The following LRP4 variants were observed in gnomAD, a reference collection of about 807,000 sequenced individuals.
The protein encoded by LRP4 is low-density lipoprotein receptor-related protein 4.
LRP4 carries 95 observed loss-of-function variants against 220.3 expected under a neutral mutation model. The observed-to-expected ratio is 0.43, with a 90% CI of 0.37 to 0.51. The LOEUF (loss-of-function observed/expected upper bound fraction) is 0.51, where lower values mean the gene tolerates loss of function less well. Ranked by LOEUF, LRP4 falls within the 20% of genes least tolerant of loss-of-function variation. The pLI, the probability that LRP4 is intolerant of heterozygous loss-of-function variation, is 0.00. For synonymous variants in LRP4, 903 were observed against 954.6 expected, an observed-to-expected ratio of 0.95 and a Z score of 1.00; for missense variants, 1,925 against 2,567.0, an observed-to-expected ratio of 0.75 and a Z score of 5.40.
At chr11:46,910,627 AT>A (rs1165819552) in intron 1 of LRP4, among the ~76,000 whole-genome samples, 1 of 145,992 alleles carries the variant, frequency 6.8e-6, no homozygotes, top group Non-Finnish European at 1.5e-5. Flanking sequence ...GTCTTGCTTT[AT>A]TGCCTTTCTC....
chr11:46,899,522 A>G lies in LRP4; in HGVS notation c.431-19T>C. ...CGCATGTCTGGGGGGATGCGATGGG[A>G]CAGCAGTTCTGAGGGGGCCCCACAG... On this transcript the variant is annotated intron_variant, in intron 4 of 37. Coordinates refer to ENST00000378623, the MANE Select transcript of LRP4 (RefSeq NM_002334.4). This position sits in a 1 kb window ranked among gnomAD's most constrained non-coding sequence, Gnocchi z 5.9. The G allele has an allele frequency of 6.4e-7, 1 of 1,572,944 alleles. No individual in the cohort carries two copies. Among genetic ancestry groups the G allele is most frequent in the Non-Finnish European group, 8.7e-7 (1 of 1,144,746 alleles).
At position 46,896,192 on chromosome 11, in the gene LRP4, C is replaced by T. The variant is rs1396649770; in HGVS notation, c.1048+18G>A. 6.2e-7 allele frequency: 1 copy of T among 1,613,436 alleles called. No homozygotes were observed. The highest frequency in any genetic ancestry group is 8.5e-7 in the Non-Finnish European group (1 of 1,179,940). On this transcript the variant is annotated intron_variant, in intron 9 of 37. Coordinates refer to ENST00000378623, the MANE Select transcript of LRP4 (RefSeq NM_002334.4). ...GGCCACAAACCATGGGCCAGGTCCG[C>T]CCACTGGGGACACTCACGGCAATTC...
chr11:46,879,974 G>A (rs1266806793), intron 20 of LRP4, among the ~76,000 whole-genome samples: 5 of 152,130 alleles, frequency 3.3e-5, no homozygotes, highest in African/African-American at 1.2e-4. Context: ...GCGTGGTAGC[G>A]GGTGCCTATA....
At chr11:46,888,728 T>G (rs1406599855) in intron 16 of LRP4, among the ~76,000 whole-genome samples, 1 of 152,084 alleles carries the variant, frequency 6.6e-6, no homozygotes, top group Non-Finnish European at 1.5e-5. Flanking sequence ...GTCAGTGGGG[T>G]ACACAGCAGT....
chr11:46,898,895 A>G lies in LRP4; in HGVS notation c.676+9T>C. The G allele has an allele frequency of 6.2e-7, 1 of 1,613,782 alleles. No individual in the cohort carries two copies. The highest frequency in any genetic ancestry group is 8.5e-7 in the Non-Finnish European group (1 of 1,180,020). On this transcript the variant is annotated intron_variant, in intron 6 of 37. Coordinates refer to ENST00000378623, the MANE Select transcript of LRP4 (RefSeq NM_002334.4). ...GCCTCCCCACCTCCCAGCTGGCCAGAGTACTCACAGCAGTCAGACTCGTCT... is the reference window on the plus strand; with the variant it reads ...GCCTCCCCACCTCCCAGCTGGCCAGGGTACTCACAGCAGTCAGACTCGTCT...
chr11:46,897,744 A>T (rs1445229883), intron 7 of LRP4, among the ~76,000 whole-genome samples: 2 of 152,228 alleles, frequency 1.3e-5, no homozygotes, highest in African/African-American at 4.8e-5. Flanking sequence ...TTAGTACAGA[A>T]CAAAATGAAA....
chr11:46,889,896 A>G (rs1344570745), intron 15 of LRP4, 48 bp downstream of exon 15: 2 of 1,606,440 alleles, frequency 1.2e-6, no homozygotes, highest in Non-Finnish European at 1.7e-6. Flanking sequence ...ACCAGAGGCC[A>G]CCTCAACCAT....
intron 37 of LRP4, among the ~76,000 whole-genome samples, chr11:46,861,794 C>T (rs1213843730): frequency 4.6e-5 from 7 of 151,988 alleles, no homozygotes; most frequent in African/African-American, 7.3e-5. Flanking sequence ...GCAGGCTGGG[C>T]GCAGTGGCTC....
At chr11:46,892,697 G>A (rs1941447455) in intron 13 of LRP4, among the ~76,000 whole-genome samples, 4 of 150,958 alleles carry the variant, frequency 2.6e-5, no homozygotes, top group Non-Finnish European at 4.4e-5. Flanking sequence ...TCAACCTCCC[G>A]AGTAGCTGGG....
Position 46,868,937 on chromosome 11 carries a change from C to T in LRP4, c.4837+51G>A, listed in dbSNP as rs369690210. 55 of 1,612,816 alleles carry T rather than the reference C, an allele frequency of 3.4e-5. No homozygotes were observed. In the Middle Eastern group the frequency reaches 5.0e-4, roughly 15 times the overall value. On this transcript the variant is annotated intron_variant, in intron 32 of 37. Coordinates refer to ENST00000378623, the MANE Select transcript of LRP4 (RefSeq NM_002334.4). ...GGTCCCTAACAGTCCTTGGGTTGACCGACCAATCCCACAGATGTTAAGGAA... is the reference window on the plus strand; with the variant it reads ...GGTCCCTAACAGTCCTTGGGTTGACTGACCAATCCCACAGATGTTAAGGAA...
At chr11:46,896,396 G>A (rs1011731605) in intron 8 of LRP4, 61 bp from the exon 9 acceptor site, 82 of 1,597,356 alleles carry the variant, frequency 5.1e-5, no homozygotes, top group Non-Finnish European at 6.4e-5. Flanking sequence ...AGAGATGGGA[G>A]CCTGTCATTT....
rs750903825 is a variant in LRP4 at position 46,890,902 on chromosome 11, C to T, written c.1698-408G>A. The stretch of plus-strand genomic sequence containing the variant: ...AGTCACCATGCCCAGCCTCAGAATG[C>T]TTTTTAAGTGTCTGAGTTTAAATGT... On this transcript the variant is annotated intron_variant, in intron 13 of 37. Coordinates refer to ENST00000378623, the MANE Select transcript of LRP4 (RefSeq NM_002334.4). This position sits in a 1 kb window ranked among gnomAD's most constrained non-coding sequence, Gnocchi z 5.3. 6.6e-6 allele frequency among the ~76,000 whole-genome samples: 1 copy of T among 151,122 alleles called. No homozygotes were observed. Among genetic ancestry groups the T allele is most frequent in the African/African-American group, 2.4e-5 (1 of 41,080 alleles).
chr11:46,875,395 G>T lies in LRP4; in HGVS notation c.3925+61C>A. The T allele has an allele frequency of 7.1e-7, 1 of 1,415,392 alleles. No individual in the cohort carries two copies. Among genetic ancestry groups the T allele is most frequent in the Non-Finnish European group, 1.0e-6 (1 of 1,003,546 alleles). 87.7% of individuals were successfully genotyped at this position (1,415,392 alleles called of 1,614,324 possible). On this transcript the variant is annotated intron_variant, in intron 27 of 37. Coordinates refer to ENST00000378623, the MANE Select transcript of LRP4 (RefSeq NM_002334.4). This position sits in a 1 kb window ranked among gnomAD's most constrained non-coding sequence, Gnocchi z 4.5. ...TCTGTGCTCTGGATATATCTCTGATGTTGAGATGGCCCCAGAAAGCCAGAG... is the reference window on the plus strand; with the variant it reads ...TCTGTGCTCTGGATATATCTCTGATTTTGAGATGGCCCCAGAAAGCCAGAG...
At position 46,902,906 on chromosome 11, in the gene LRP4, C is replaced by T; in HGVS notation, c.76G>A (p.Ala26Thr). The change falls in exon 2 of 38, where the codon GCT (alanine) becomes ACT (threonine). Residue 26 changes from alanine to threonine, a missense_variant. Transcript: ENST00000378623. ...AHGLASSPEC[A>T]CGRSHFTCAV... ...CATGTGAAGTGGCTCCGACCACAAG[C>T]ACACTCGGGGCTGCTGGCCAGGCCT... 1 of 1,614,114 alleles carries T rather than the reference C, an allele frequency of 6.2e-7. No homozygotes were observed. Among genetic ancestry groups the T allele is most frequent in the Non-Finnish European group, 8.5e-7 (1 of 1,180,026 alleles).
chr11:46,873,009 T>G lies in LRP4; in HGVS notation c.4583+91A>C. On this transcript the variant is annotated intron_variant, in intron 30 of 37. Coordinates refer to ENST00000378623, the MANE Select transcript of LRP4 (RefSeq NM_002334.4). This position sits in a 1 kb window ranked among gnomAD's most constrained non-coding sequence, Gnocchi z 4.2. ...CCTCTTCCCCACATACCAAGAAGCT[T>G]TCTATCTTTTCATTTTTCCAAGGTT... The G allele has an allele frequency of 6.5e-7, 1 of 1,547,560 alleles. No individual in the cohort carries two copies. The highest frequency in any genetic ancestry group is 8.9e-7 in the Non-Finnish European group (1 of 1,121,770).
intron 30 of LRP4, among the ~76,000 whole-genome samples, chr11:46,872,377 A>C (rs1188059708): frequency 2.0e-5 from 3 of 152,170 alleles, no homozygotes; most frequent in African/African-American, 7.2e-5. Context: ...TTTGGATCAG[A>C]AGGGGGCACA....
chr11:46,902,310 G>A (rs1941680124), intron 2 of LRP4, among the ~76,000 whole-genome samples: 1 of 142,942 alleles, frequency 7.0e-6, no homozygotes, highest in African/African-American at 2.6e-5. Flanking sequence ...AGTGAGCCTA[G>A]ACTGTGCCCC....
chr11:46,872,701 G>A (rs564574193), intron 30 of LRP4, among the ~76,000 whole-genome samples: 77 of 152,218 alleles, frequency 5.1e-4, no homozygotes, highest in Non-Finnish European at 8.1e-4. Flanking sequence ...CTGTGACTGC[G>A]CCACTGCACT....
intron 1 of LRP4, among the ~76,000 whole-genome samples, chr11:46,906,410 C>T (rs1254903589): frequency 5.3e-5 from 8 of 151,406 alleles, no homozygotes; most frequent in Non-Finnish European, 7.4e-5. Flanking sequence ...GAGCAGAGAT[C>T]ACGCCACTGC....
Sources: allele counts gnomAD v4.1 joint callset (sites outside exome capture counted in the v4.1 genomes callset), GRCh38; gene constraint gnomAD v4.1.1; non-coding constraint Gnocchi (gnomAD v3.1); transcripts MANE v1.5; gene names NCBI Gene and HGNC (gene_info 2026-07-23, HGNC 2026-07-21).